The following BCAP31 variants were observed in gnomAD, a reference collection of about 807,000 sequenced individuals.
BCAP31 encodes B-cell receptor-associated protein 31.
For synonymous variants in BCAP31, 75 were observed against 80.9 expected, an observed-to-expected ratio of 0.93 and a Z score of 0.39; for missense variants, 124 against 193.0, an observed-to-expected ratio of 0.64 and a Z score of 2.12.
Position 153,720,914 on chromosome X carries a change from A to C in BCAP31, c.151T>G (p.Phe51Val), listed in dbSNP as rs1557050900. The C allele has an allele frequency of 8.3e-7, 1 of 1,211,836 alleles. No homozygotes were observed. The highest frequency in any genetic ancestry group is 1.8e-5 in the South Asian group (1 of 57,011). Residue 51 changes from phenylalanine to valine, a missense_variant, in exon 3 of 8, where the codon TTC (phenylalanine) becomes GTC (valine). Transcript: ENST00000345046. ...VELLVSYGNTFFVVLIVILVL... is the reference protein window; with the variant it reads ...VELLVSYGNTVFVVLIVILVL... ...AGGATGACAATGAGAACCACAAAGA[A>C]GGTGTTGCCATAGGACACTAACAAC...
At chrX:153,711,625 T>C (rs181858592) in intron 4 of BCAP31, among the ~76,000 whole-genome samples, 1 of 110,297 alleles carries the variant, frequency 9.1e-6, no homozygotes, top group South Asian at 3.7e-4. Flanking sequence ...GAAAGAGAGG[T>C]GGGTGTGGTG....
chrX:153,706,632 ACT>A (rs2091556745), intron 4 of BCAP31, among the ~76,000 whole-genome samples: 1 of 111,942 alleles, frequency 8.9e-6, no homozygotes, highest in Non-Finnish European at 1.9e-5. Context: ...TGTGGCCCAG[ACT>A]CATACCTAAC....
At chrX:153,701,868 T>C (rs2091520358) in intron 7 of BCAP31, 139 bp downstream of exon 7, 1 of 529,094 alleles carries the variant, frequency 1.9e-6, no homozygotes, top group Non-Finnish European at 3.0e-6. Context: ...TCCCACTCAG[T>C]AGGGCAGAGG....
In BCAP31 at chrX:153,715,372, G is replaced by A. The variant is rs782520845; in HGVS notation, c.341+170C>T. The A allele has an allele frequency of 1.9e-4, 139 of 730,971 alleles. No individual in the cohort carries two copies. The Admixed American group carries it at 2.6e-3, about 14-fold the overall frequency. The allele number at this position is 730,971 out of a possible 1,213,427, so 60.2% of individuals were successfully genotyped here. A position where few individuals can be genotyped will look rare whatever the true frequency, so the allele number is the denominator to read the frequency against. Reference sequence around the variant, plus strand: ...CCTACTCTCCACGCTGCCTCTGGAGGTCAGGAGAAAACTATGTGGCTTCCC... The same window carrying A: ...CCTACTCTCCACGCTGCCTCTGGAGATCAGGAGAAAACTATGTGGCTTCCC... On this transcript the variant is annotated intron_variant, in intron 4 of 7. Coordinates refer to ENST00000345046, the MANE Select transcript of BCAP31 (RefSeq NM_001256447.2).
At chrX:153,715,441 G>A (rs781881591) in intron 4 of BCAP31, 101 bp downstream of exon 4, 8 of 1,081,218 alleles carry the variant, frequency 7.4e-6, no homozygotes, top group South Asian at 2.0e-5. Context: ...GACTGAGGAG[G>A]AATCAAAGTC....
At chrX:153,723,723 C>A (rs1387249317) in intron 1 of BCAP31, 1 of 1,119,965 alleles carries the variant, frequency 8.9e-7, no homozygotes, top group African/African-American at 1.8e-5. Flanking sequence ...CTCTGCGGGC[C>A]CAAATCCCCG....
intron 3 of BCAP31, among the ~76,000 whole-genome samples, chrX:153,719,853 C>A (rs2091652991): frequency 8.9e-6 from 1 of 112,056 alleles, no homozygotes; most frequent in African/African-American, 3.2e-5. Flanking sequence ...AAAATGTCTG[C>A]CTTTCATCTT....
intron 2 of BCAP31, 109 bp downstream of exon 2, chrX:153,723,044 T>A: frequency 3.0e-6 from 3 of 990,777 alleles, no homozygotes; most frequent in Non-Finnish European, 4.1e-6. Context: ...AGGTTCTACC[T>A]GTTCCATCGG....
intron 4 of BCAP31, among the ~76,000 whole-genome samples, chrX:153,707,268 A>C (rs1557048451): frequency 1.8e-5 from 2 of 110,064 alleles, no homozygotes; most frequent in Non-Finnish European, 3.8e-5. Context: ...TGGCTGCCCT[A>C]CCAGGCTATG....
chrX:153,701,397 A>G (rs2091517264), intron 7 of BCAP31, among the ~76,000 whole-genome samples: 1 of 112,496 alleles, frequency 8.9e-6, no homozygotes, highest in Admixed American at 9.3e-5. Context: ...CTTCCTCCCC[A>G]CCTGCTGTGG....
chrX:153,710,505 A>C (rs1348777020), intron 4 of BCAP31, among the ~76,000 whole-genome samples: 1 of 111,748 alleles, frequency 8.9e-6, no homozygotes, highest in African/African-American at 3.3e-5. Context: ...GACAAGAAGA[A>C]AGGGCAGAGC....
chrX:153,703,065 A>G lies in BCAP31; in HGVS notation c.478-7T>C. The G allele has an allele frequency of 8.3e-7, 1 of 1,208,898 alleles. No individual in the cohort carries two copies. Among genetic ancestry groups the G allele is most frequent in the Non-Finnish European group, 1.1e-6 (1 of 895,255 alleles). On this transcript the variant is annotated splice_polypyrimidine_tract_variant and splice_region_variant and intron_variant, in intron 5 of 7. Coordinates refer to ENST00000345046, the MANE Select transcript of BCAP31 (RefSeq NM_001256447.2). ...CTCCGTCAACAGCAGCTCCCTGGGA[A>G]AAGTGCCAAAGGCCAGGGTTACTCA...
chrX:153,716,603 A>T (rs1178649742), intron 3 of BCAP31, among the ~76,000 whole-genome samples: 1 of 106,568 alleles, frequency 9.4e-6, no homozygotes, highest in African/African-American at 3.5e-5. Flanking sequence ...AAAAAAAAAA[A>T]ATTTTAAATA....
intron 4 of BCAP31, among the ~76,000 whole-genome samples, chrX:153,712,309 C>A: frequency 9.0e-6 from 1 of 110,842 alleles, no homozygotes; most frequent in Admixed American, 9.7e-5. Flanking sequence ...ATAGTCCCAG[C>A]TACTCGGGAG....
chrX:153,723,070 T>A lies in BCAP31; in HGVS notation c.92+83A>T, dbSNP rs782446674. On this transcript the variant is annotated intron_variant, in intron 2 of 7. Coordinates refer to ENST00000345046, the MANE Select transcript of BCAP31 (RefSeq NM_001256447.2). ...GTTCCATCGGGTCCCAATTCCAGGG[T>A]CCACCAGCTGCACACACCAGTCCCA... The A allele has an allele frequency of 5.4e-6, 6 of 1,102,488 alleles. No homozygotes were observed. The East Asian group carries it at 1.9e-4, about 34-fold the overall frequency. 90.9% of individuals were successfully genotyped at this position (1,102,488 alleles called of 1,213,427 possible).
chrX:153,718,189 C>T (rs1346868649), intron 3 of BCAP31, among the ~76,000 whole-genome samples: 2 of 109,495 alleles, frequency 1.8e-5, no homozygotes, highest in East Asian at 5.7e-4. Context: ...TGGTGGCGGG[C>T]GCCTGTAACC....
Position 153,715,453 on chromosome X carries a change from CAG to C in BCAP31, c.341+87_341+88del, listed in dbSNP as rs1491398722. On this transcript the variant is annotated intron_variant, in intron 4 of 7. Transcript: ENST00000345046. ...ACAGACTGAGGAGGAATCAAAGTCACAGGGGGGAGACTGAGCCCACTGAGCTC... is the reference window on the plus strand; with the variant it reads ...ACAGACTGAGGAGGAATCAAAGTCACGGGGGAGACTGAGCCCACTGAGCTC... The C allele has an allele frequency of 3.6e-6, 4 of 1,119,973 alleles. No homozygotes were observed. The Admixed American group carries it at 9.1e-5, about 25-fold the overall frequency. The allele number at this position is 1,119,973 out of a possible 1,213,427, so 92.3% of individuals were successfully genotyped here. A position where few individuals can be genotyped will look rare whatever the true frequency, so the allele number is the denominator to read the frequency against.
At chrX:153,715,742 T>C in intron 3 of BCAP31, 53 bp from the exon 4 acceptor site, 1 of 1,183,893 alleles carries the variant, frequency 8.4e-7, no homozygotes, top group Non-Finnish European at 1.1e-6. Flanking sequence ...TAGGGCAAGA[T>C]AAGGCCATAC....
intron 2 of BCAP31, among the ~76,000 whole-genome samples, chrX:153,721,415 G>GCA (rs2091664868): frequency 1.1e-5 from 1 of 94,235 alleles, no homozygotes; most frequent in African/African-American, 4.0e-5. Flanking sequence ...CAGCCTGGGT[G>GCA]ACAGAGCGAG....
Sources: allele counts gnomAD v4.1 joint callset (sites outside exome capture counted in the v4.1 genomes callset), GRCh38; gene constraint gnomAD v4.1.1; transcripts MANE v1.5; gene names NCBI Gene and HGNC (gene_info 2026-07-23, HGNC 2026-07-21).